Variants in NUBPL observed in about 807,000 individuals in gnomAD.
NUBPL encodes iron-sulfur cluster transfer protein NUBPL.
Under a neutral mutation model 45.7 loss-of-function variants are expected in NUBPL, and 31 were observed. That is an observed-to-expected ratio of 0.68 (90% CI 0.51 to 0.92). The LOEUF is 0.92. NUBPL is among the 40% of genes least tolerant of loss of function. NUBPL has a pLI of 0.00. For missense variants in NUBPL, 401 were observed against 398.7 expected (o/e 1.01, Z -0.05); for synonymous variants, 144 against 140.9 (o/e 1.02, Z -0.15).
chr14:31,654,194 T>G, intron 4 of NUBPL: 1 of 410,722 alleles, frequency 2.4e-6, no homozygotes, highest in South Asian at 1.7e-5. Context: ...TACACTATAC[T>G]GTAGTCCATG....
At chr14:31,747,069 C>T (rs2038414024) in intron 6 of NUBPL, among the ~76,000 whole-genome samples, 1 of 100,716 alleles carries the variant, frequency 9.9e-6, no homozygotes, top group Non-Finnish European at 2.0e-5. Context: ...GAGAACCTGT[C>T]TCCAAAAAAA....
At chr14:31,690,172 A>G (rs117764441) in intron 6 of NUBPL, among the ~76,000 whole-genome samples, 3,483 of 152,176 alleles carry the variant, frequency 0.023, 61 homozygotes, top group Non-Finnish European at 0.035. Context: ...GGGCTAGGCT[A>G]ACCCTATTAT....
chr14:31,831,462 C>CCA (rs1330948127), intron 8 of NUBPL, among the ~76,000 whole-genome samples: 77 of 145,346 alleles, frequency 5.3e-4, no homozygotes, highest in African/African-American at 1.8e-3. Context: ...CTATACTATA[C>CCA]TGTACTATAC....
At chr14:31,656,342 T>G (rs2036140173) in intron 4 of NUBPL, among the ~76,000 whole-genome samples, 1 of 152,176 alleles carries the variant, frequency 6.6e-6, no homozygotes, top group Non-Finnish European at 1.5e-5. Context: ...ACTTTTAGTT[T>G]CTTACAAGAA....
intron 4 of NUBPL, among the ~76,000 whole-genome samples, chr14:31,613,367 A>G (rs1490456531): frequency 6.6e-6 from 1 of 152,166 alleles, no homozygotes; most frequent in African/African-American, 2.4e-5. Flanking sequence ...GGAAGAATGA[A>G]TAGATGAACT....
chr14:31,815,124 G>C (rs1566578277), intron 7 of NUBPL, among the ~76,000 whole-genome samples: 2 of 152,028 alleles, frequency 1.3e-5, no homozygotes, highest in South Asian at 2.1e-4. Context: ...AAATTACTTT[G>C]GGCAGTATCG....
intron 4 of NUBPL, among the ~76,000 whole-genome samples, chr14:31,602,266 C>T (rs1349016160): frequency 3.3e-5 from 5 of 151,880 alleles, no homozygotes; most frequent in Non-Finnish European, 7.4e-5. Flanking sequence ...GGAGGGATAG[C>T]ATTGGGAGAT....
chr14:31,673,379 A>G lies in NUBPL; in HGVS notation c.407A>G (p.Asn136Ser), dbSNP rs779923548. ...SQSNLMRPLL[N>S]YGIACMSMGF... ...GGCAACCTAATGAGGCCTCTCTTGA[A>G]TTATGGTATTGCTTGGTGAGCATAT... Residue 136 changes from asparagine to serine, a missense_variant, in exon 5 of 11, where the codon AAT becomes AGT. Asn to Ser is a conservative substitution (Grantham distance 46). Transcript: ENST00000281081. 1.2e-6 allele frequency: 2 copies of G among 1,608,614 alleles called. No homozygotes were observed. The highest frequency in any genetic ancestry group is 1.1e-5 in the South Asian group (1 of 90,604).
intron 7 of NUBPL, among the ~76,000 whole-genome samples, chr14:31,800,118 A>G (rs1297775823): frequency 6.6e-6 from 1 of 152,170 alleles, no homozygotes; most frequent in Admixed American, 6.5e-5. Flanking sequence ...TGATAATGAG[A>G]TTTCAGCAAT....
intron 7 of NUBPL, among the ~76,000 whole-genome samples, chr14:31,809,464 C>T (rs1483006655): frequency 6.6e-6 from 1 of 152,140 alleles, no homozygotes; most frequent in African/African-American, 2.4e-5. Context: ...GTGGTGATAT[C>T]ACCTTTATCA....
intron 6 of NUBPL, among the ~76,000 whole-genome samples, chr14:31,704,420 T>C (rs1364921495): frequency 1.3e-5 from 2 of 152,126 alleles, no homozygotes; most frequent in East Asian, 3.9e-4. Flanking sequence ...TCCCAGCACA[T>C]TGGGAGGCCA....
chr14:31,809,839 A>G (rs1292152274), intron 7 of NUBPL, among the ~76,000 whole-genome samples: 5 of 108,140 alleles, frequency 4.6e-5, no homozygotes, highest in African/African-American at 1.4e-4. Context: ...TTGGTTTCAA[A>G]GAACATTTTT....
chr14:31,632,341 C>A (rs2035367756), intron 4 of NUBPL, among the ~76,000 whole-genome samples: 1 of 152,136 alleles, frequency 6.6e-6, no homozygotes, highest in Non-Finnish European at 1.5e-5. Flanking sequence ...GAGGACCTAG[C>A]CAGCCTGGGG....
intron 4 of NUBPL, among the ~76,000 whole-genome samples, chr14:31,661,686 G>A (rs372185270): frequency 2.8e-4 from 43 of 152,124 alleles, no homozygotes; most frequent in South Asian, 2.3e-3. Flanking sequence ...GACTATAGGC[G>A]CTCACCACCA....
intron 6 of NUBPL, among the ~76,000 whole-genome samples, chr14:31,750,705 T>A (rs1205900497): frequency 2.0e-5 from 3 of 151,560 alleles, no homozygotes; most frequent in Non-Finnish European, 4.4e-5. Flanking sequence ...AGACTTTTTC[T>A]TGTAGTTGTT....
intron 8 of NUBPL, among the ~76,000 whole-genome samples, chr14:31,839,362 GA>G (rs1209059547): frequency 9.9e-5 from 15 of 152,156 alleles, no homozygotes; most frequent in Non-Finnish European, 2.9e-5. Context: ...ACACAATGGA[GA>G]AAGGACAGTT....
Position 31,744,432 on chromosome 14 carries a change from CAGA to C in NUBPL, c.514-43343_514-43341del, listed in dbSNP as rs557524322. 2.4e-3 allele frequency among the ~76,000 whole-genome samples: 372 copies of C among 152,054 alleles called. 1 individual carries two copies. Among genetic ancestry groups the C allele is most frequent in the African/African-American group, 8.3e-3 (344 of 41,504 alleles). On this transcript the variant is annotated intron_variant, in intron 6 of 10. Transcript: ENST00000281081. ...GATGATTCTGAGTAGGAAAAATACA[CAGA>C]AGAACAAAGCACTTAATTATGTTTC...
At chr14:31,654,983 A>G (rs1219449810) in intron 4 of NUBPL, among the ~76,000 whole-genome samples, 1 of 152,198 alleles carries the variant, frequency 6.6e-6, no homozygotes, top group Non-Finnish European at 1.5e-5. Flanking sequence ...TTTGCTTATC[A>G]TAAAAAGCAA....
intron 4 of NUBPL, among the ~76,000 whole-genome samples, chr14:31,658,608 G>A (rs769818998): frequency 6.6e-5 from 10 of 152,070 alleles, no homozygotes; most frequent in African/African-American, 9.6e-5. Context: ...CACCTTCTGG[G>A]TTCAAGTGAT....
Sources: gnomAD v4.1 joint callset for allele counts (sites outside exome capture counted in the v4.1 genomes callset) on GRCh38, gnomAD v4.1.1 for gene constraint, MANE v1.5 for transcripts, NCBI Gene and HGNC (gene_info 2026-07-23, HGNC 2026-07-21) for gene names.